The following JMY variants were observed in gnomAD, a reference collection of about 807,000 sequenced individuals.
The protein encoded by JMY is junction-mediating and -regulatory protein.
Under a neutral mutation model 103.3 loss-of-function variants are expected in JMY, and 46 were observed. That is an observed-to-expected ratio of 0.45 (90% CI 0.35 to 0.57). The LOEUF is 0.57. Ranked by LOEUF, JMY falls within the 20% of genes least tolerant of loss-of-function variation. JMY has a pLI of 0.00. For synonymous variants in JMY, 526 were observed against 489.3 expected, an observed-to-expected ratio of 1.07 and a Z score of -0.99; for missense variants, 1,238 against 1,255.2, an observed-to-expected ratio of 0.99 and a Z score of 0.21.
At chr5:79,290,332 A>T in intron 3 of JMY, 61 bp downstream of exon 3, 1 of 1,183,300 alleles carries the variant, frequency 8.5e-7, no homozygotes, top group Non-Finnish European at 1.1e-6. Context: ...TAAGTATTTT[A>T]TGTTCAGAAA....
At chr5:79,238,298 C>G (rs914091767) in intron 1 of JMY, among the ~76,000 whole-genome samples, 2 of 151,906 alleles carry the variant, frequency 1.3e-5, no homozygotes, top group Non-Finnish European at 2.9e-5. Context: ...TCAGGTTTCA[C>G]TGCTGTTTTA....
chr5:79,293,403 C>CT (rs5868984), intron 4 of JMY, among the ~76,000 whole-genome samples: 3 of 146,852 alleles, frequency 2.0e-5, no homozygotes, highest in East Asian at 2.0e-4. Flanking sequence ...CTTTTTTTAA[C>CT]TTTTTTTTTT....
chr5:79,303,338 C>G (rs971589945), intron 6 of JMY, among the ~76,000 whole-genome samples: 1 of 152,180 alleles, frequency 6.6e-6, no homozygotes, highest in Admixed American at 6.5e-5. Context: ...GCTGGGATTG[C>G]AGGTGTGAGC....
intron 1 of JMY, among the ~76,000 whole-genome samples, chr5:79,273,955 C>T (rs1481497447): frequency 7.9e-5 from 12 of 152,040 alleles, no homozygotes; most frequent in African/African-American, 2.4e-4. Flanking sequence ...CTCAGCCTCC[C>T]GAGTAGCTGG....
At chr5:79,264,004 C>T (rs1456231142) in intron 1 of JMY, among the ~76,000 whole-genome samples, 1 of 152,036 alleles carries the variant, frequency 6.6e-6, no homozygotes, top group Non-Finnish European at 1.5e-5. Flanking sequence ...CCAGGCTGGT[C>T]TCAAACTCCT....
At chr5:79,243,578 A>T (rs1744802807) in intron 1 of JMY, among the ~76,000 whole-genome samples, 1 of 152,200 alleles carries the variant, frequency 6.6e-6, no homozygotes, top group African/African-American at 2.4e-5. Context: ...AAGACAGAAG[A>T]TATGTCAACA....
intron 1 of JMY, among the ~76,000 whole-genome samples, chr5:79,270,497 T>TTTAAA: frequency 1.4e-5 from 1 of 71,822 alleles, no homozygotes; most frequent in Non-Finnish European, 3.1e-5. Flanking sequence ...TTACATAAAA[T>TTTAAA]ATATATTTAC....
chr5:79,263,100 G>T (rs1415810121), intron 1 of JMY, among the ~76,000 whole-genome samples: 1 of 152,160 alleles, frequency 6.6e-6, no homozygotes, highest in African/African-American at 2.4e-5. Flanking sequence ...ATTGAAAGAT[G>T]TTGGCACCAT....
intron 1 of JMY, among the ~76,000 whole-genome samples, chr5:79,249,591 T>A (rs906895532): frequency 1.3e-5 from 2 of 152,198 alleles, no homozygotes; most frequent in Non-Finnish European, 2.9e-5. Flanking sequence ...TTAAAGGAGA[T>A]GAATGGAGGA....
chr5:79,268,557 G>A (rs1417356625), intron 1 of JMY, among the ~76,000 whole-genome samples: 3 of 151,714 alleles, frequency 2.0e-5, no homozygotes, highest in Non-Finnish European at 2.9e-5. Context: ...GCGTGATCTC[G>A]GCTCACTGCA....
intron 1 of JMY, among the ~76,000 whole-genome samples, chr5:79,238,804 C>A (rs1744644301): frequency 2.0e-5 from 3 of 152,008 alleles, no homozygotes; most frequent in Admixed American, 6.6e-5. Context: ...CGCGCCACCA[C>A]GCCCGGCTAA....
intron 2 of JMY, among the ~76,000 whole-genome samples, chr5:79,289,415 A>G (rs1265501294): frequency 1.3e-5 from 2 of 151,920 alleles, no homozygotes; most frequent in Non-Finnish European, 2.9e-5. Flanking sequence ...TTGGCTTCAT[A>G]TATAACTTGC....
intron 1 of JMY, among the ~76,000 whole-genome samples, chr5:79,254,957 T>C (rs1411399305): frequency 1.3e-5 from 2 of 151,944 alleles, no homozygotes; most frequent in African/African-American, 4.8e-5. Context: ...ATATGCCAAT[T>C]GTGTTTTTTA....
chr5:79,261,728 A>T (rs1745429518), intron 1 of JMY, among the ~76,000 whole-genome samples: 1 of 152,110 alleles, frequency 6.6e-6, no homozygotes, highest in South Asian at 2.1e-4. Context: ...TCCCGGGCAT[A>T]TTTCCTTAAC....
At chr5:79,256,445 G>C (rs1366257114) in intron 1 of JMY, among the ~76,000 whole-genome samples, 4 of 152,032 alleles carry the variant, frequency 2.6e-5, no homozygotes, top group Non-Finnish European at 5.9e-5. Context: ...TGACCTGATA[G>C]CTAACCTGGT....
chr5:79,237,039 G>T lies in JMY; in HGVS notation c.389G>T (p.Ser130Ile). 1 of 1,516,866 alleles carries T rather than the reference G, an allele frequency of 6.6e-7. No homozygotes were observed. Among genetic ancestry groups the T allele is most frequent in the Non-Finnish European group, 8.9e-7 (1 of 1,129,054 alleles). 94.0% of individuals were successfully genotyped at this position (1,516,866 alleles called of 1,614,324 possible). A position where few individuals can be genotyped will look rare whatever the true frequency, so the allele number is the denominator to read the frequency against. ...RSLLGDPRLR[S>I]PGSKGAESRL... ...CTTCTGGGGGACCCGCGGCTGCGGA[G>T]TCCTGGCAGCAAAGGGGCGGAGAGT... Residue 130 changes from serine to isoleucine, a missense_variant, in exon 1 of 11, where the codon AGT becomes ATT. Physicochemically the swap from Ser to Ile is moderately radical, Grantham distance 142. Coordinates refer to ENST00000396137, the MANE Select transcript of JMY (RefSeq NM_152405.5).
At chr5:79,285,053 G>C (rs1401067076) in intron 2 of JMY, 3 of 605,602 alleles carry the variant, frequency 5.0e-6, no homozygotes, top group Admixed American at 5.9e-5. Context: ...TCATCATCTT[G>C]ATCAACCATA....
intron 10 of JMY, among the ~76,000 whole-genome samples, chr5:79,320,216 A>G (rs780828343): frequency 5.3e-5 from 8 of 152,130 alleles, no homozygotes; most frequent in African/African-American, 1.9e-4. Flanking sequence ...ACACATCTCC[A>G]CTAAAAATAC....
At chr5:79,276,934 A>G (rs1745955616) in intron 1 of JMY, among the ~76,000 whole-genome samples, 2 of 152,104 alleles carry the variant, frequency 1.3e-5, no homozygotes, top group Admixed American at 6.5e-5. Context: ...ACAAGGTCTC[A>G]CTACATTGCC....
Sources: allele counts gnomAD v4.1 joint callset (sites outside exome capture counted in the v4.1 genomes callset), GRCh38; gene constraint gnomAD v4.1.1; transcripts MANE v1.5; gene names NCBI Gene and HGNC (gene_info 2026-07-23, HGNC 2026-07-21).